Variants in WDR72 observed in about 807,000 individuals in gnomAD.
WDR72 encodes WD repeat-containing protein 72.
WDR72 carries 120 observed loss-of-function variants against 124.2 expected under a neutral mutation model. The observed-to-expected ratio is 0.97, with a 90% CI of 0.83 to 1.12. WDR72 has a LOEUF of 1.12. Among genes scored for constraint, WDR72 ranks in the 50% most tolerant of loss-of-function variants. The pLI, the probability that WDR72 is intolerant of heterozygous loss-of-function variation, is 0.00. For synonymous variants in WDR72, 452 were observed against 441.7 expected, an observed-to-expected ratio of 1.02 and a Z score of -0.29; for missense variants, 1,387 against 1,278.8, an observed-to-expected ratio of 1.08 and a Z score of -1.29.
Position 53,615,591 on chromosome 15 carries a change from T to G in WDR72, c.2615A>C (p.Asp872Ala), listed in dbSNP as rs1566985601. The change falls in exon 15 of 20, where the codon GAT becomes GCT. Residue 872 changes from aspartate to alanine, a missense_variant. By Grantham distance (126) the Asp-to-Ala change is moderately radical. Transcript: ENST00000360509. ...LFSRKVLDLS[D>A]KYTATLPNQV... ...ATTTGGAAGAGTGGCTGTGTATTTA[T>G]CTGACAAGTCCAAAACTTTCCTGGA... The G allele has an allele frequency of 6.2e-7, 1 of 1,613,076 alleles. No individual in the cohort carries two copies. Among genetic ancestry groups the G allele is most frequent in the South Asian group, 1.1e-5 (1 of 91,034 alleles).
At chr15:53,753,755 G>A (rs369763802) in intron 1 of WDR72, among the ~76,000 whole-genome samples, 1 of 152,078 alleles carries the variant, frequency 6.6e-6, no homozygotes, top group East Asian at 1.9e-4. Flanking sequence ...GCACAGTGTT[G>A]TATACTCAAT....
At chr15:53,657,184 A>T (rs1351878473) in intron 14 of WDR72, among the ~76,000 whole-genome samples, 1 of 146,478 alleles carries the variant, frequency 6.8e-6, no homozygotes, top group Non-Finnish European at 1.5e-5. Flanking sequence ...GAATCACTTG[A>T]ACCTGGGAGG....
intron 13 of WDR72, among the ~76,000 whole-genome samples, chr15:53,674,278 AGGT>A (rs2016089976): frequency 1.3e-5 from 2 of 152,250 alleles, no homozygotes; most frequent in Admixed American, 6.5e-5. Flanking sequence ...CATAAAAGTC[AGGT>A]TTCAACAAAA....
chr15:53,714,864 C>T (rs1353703814), intron 5 of WDR72, among the ~76,000 whole-genome samples: 1 of 152,170 alleles, frequency 6.6e-6, no homozygotes. Context: ...CTAGAAGATA[C>T]AGCAGGGCAA....
chr15:53,558,019 C>T (rs1196063003), intron 18 of WDR72, among the ~76,000 whole-genome samples: 4 of 151,858 alleles, frequency 2.6e-5, no homozygotes, highest in Non-Finnish European at 4.4e-5. Context: ...GATGCTGAAA[C>T]AGGGGCACTG....
At chr15:53,664,510 C>T (rs899114074) in intron 14 of WDR72, among the ~76,000 whole-genome samples, 2 of 151,618 alleles carry the variant, frequency 1.3e-5, no homozygotes, top group Non-Finnish European at 2.9e-5. Context: ...GATGATGACA[C>T]ATTATTTTGC....
At chr15:53,757,690 T>C (rs1267025183) in intron 1 of WDR72, among the ~76,000 whole-genome samples, 2 of 152,154 alleles carry the variant, frequency 1.3e-5, no homozygotes, top group Admixed American at 6.5e-5. Flanking sequence ...ACATCCTCTA[T>C]TGTGAGCAAC....
At chr15:53,682,180 T>G (rs1389387663) in intron 13 of WDR72, among the ~76,000 whole-genome samples, 4 of 152,170 alleles carry the variant, frequency 2.6e-5, no homozygotes, top group African/African-American at 9.7e-5. Flanking sequence ...ATTTTACTAC[T>G]TCATCCTTGG....
intron 11 of WDR72, 24 bp downstream of exon 11, chr15:53,704,964 T>C (rs2017304771): frequency 5.0e-6 from 8 of 1,612,578 alleles, no homozygotes; most frequent in Middle Eastern, 1.7e-4. Context: ...ATCAAATAAA[T>C]AGGGTCAAAT....
chr15:53,562,255 C>T (rs1894149696), intron 18 of WDR72, among the ~76,000 whole-genome samples: 1 of 151,806 alleles, frequency 6.6e-6, no homozygotes, highest in African/African-American at 2.4e-5. Flanking sequence ...CTTGTTACTA[C>T]TTTGCATATT....
intron 14 of WDR72, among the ~76,000 whole-genome samples, chr15:53,658,803 G>T (rs1036131735): frequency 6.6e-6 from 1 of 152,106 alleles, no homozygotes; most frequent in African/African-American, 2.4e-5. Flanking sequence ...GTCTTAATTT[G>T]AAACTTAAAG....
intron 2 of WDR72, among the ~76,000 whole-genome samples, chr15:53,728,533 T>C (rs915308692): frequency 2.0e-5 from 3 of 152,174 alleles, no homozygotes; most frequent in Non-Finnish European, 2.9e-5. Context: ...TATCACAGTG[T>C]TGGTAAATAT....
chr15:53,546,878 AG>A (rs1238640814), intron 18 of WDR72, among the ~76,000 whole-genome samples: 1 of 152,216 alleles, frequency 6.6e-6, no homozygotes, highest in Non-Finnish European at 1.5e-5. Flanking sequence ...TATACAAATT[AG>A]TTTGAAAATC....
chr15:53,679,143 C>A (rs1466291790), intron 13 of WDR72, among the ~76,000 whole-genome samples: 1 of 152,088 alleles, frequency 6.6e-6, no homozygotes, highest in Non-Finnish European at 1.5e-5. Flanking sequence ...ATAGCAGTTG[C>A]TAGGGAATTT....
At chr15:53,717,188 A>G (rs1372671773) in intron 3 of WDR72, among the ~76,000 whole-genome samples, 2 of 152,132 alleles carry the variant, frequency 1.3e-5, no homozygotes, top group African/African-American at 4.8e-5. Context: ...TCCTAAAATC[A>G]TCCTTGCCAC....
intron 13 of WDR72, among the ~76,000 whole-genome samples, chr15:53,693,835 A>C (rs2016919759): frequency 6.6e-6 from 1 of 152,220 alleles, no homozygotes; most frequent in Non-Finnish European, 1.5e-5. Flanking sequence ...TGTACAAAAA[A>C]TGTTTGTTTT....
chr15:53,713,326 G>A (rs1194368431), intron 6 of WDR72, among the ~76,000 whole-genome samples: 1 of 151,306 alleles, frequency 6.6e-6, no homozygotes, highest in Admixed American at 6.6e-5. Context: ...GCTACAGACT[G>A]TTAGATATGG....
At chr15:53,682,054 T>C (rs1430181573) in intron 13 of WDR72, among the ~76,000 whole-genome samples, 1 of 152,248 alleles carries the variant, frequency 6.6e-6, no homozygotes, top group Non-Finnish European at 1.5e-5. Flanking sequence ...AAAAATTACA[T>C]GTGCCTGTTT....
chr15:53,545,604 G>A (rs1203128406), intron 18 of WDR72, among the ~76,000 whole-genome samples: 1 of 151,652 alleles, frequency 6.6e-6, no homozygotes, highest in Non-Finnish European at 1.5e-5. Flanking sequence ...TAGGCATGGG[G>A]AAGGATTTCA....
Sources: gnomAD v4.1 joint callset for allele counts (sites outside exome capture counted in the v4.1 genomes callset) on GRCh38, gnomAD v4.1.1 for gene constraint, MANE v1.5 for transcripts, NCBI Gene and HGNC (gene_info 2026-07-23, HGNC 2026-07-21) for gene names.